Variants in EEA1 observed in about 807,000 individuals in gnomAD.
EEA1 encodes early endosome antigen 1.
Under a neutral mutation model 209.2 loss-of-function variants are expected in EEA1, and 111 were observed. The ratio of observed to expected loss-of-function variants is 0.53; its 90% CI spans 0.45 to 0.62. The LOEUF (loss-of-function observed/expected upper bound fraction) is 0.62, where lower values mean the gene tolerates loss of function less well. Ranked by LOEUF, EEA1 falls within the 20% of genes least tolerant of loss-of-function variation. The pLI, the probability that EEA1 is intolerant of heterozygous loss-of-function variation, is 0.00. For synonymous variants in EEA1, 536 were observed against 540.6 expected (o/e 0.99, Z 0.12); for missense variants, 1,343 against 1,530.8 (o/e 0.88, Z 2.05).
intron 3 of EEA1, chr12:92,858,154 G>A (rs1439067298): frequency 3.3e-6 from 2 of 614,926 alleles, no homozygotes; most frequent in Non-Finnish European, 6.1e-6. Context: ...CAGAGTTGGT[G>A]GGGGAAGGCC....
intron 1 of EEA1, among the ~76,000 whole-genome samples, chr12:92,892,073 G>T (rs1160749271): frequency 6.6e-6 from 1 of 152,116 alleles, no homozygotes; most frequent in African/African-American, 2.4e-5. Context: ...GAAGTGACTT[G>T]TTCACCATTG....
chr12:92,921,739 T>A (rs1592780516), intron 1 of EEA1, among the ~76,000 whole-genome samples: 1 of 104,622 alleles, frequency 9.6e-6, no homozygotes, highest in South Asian at 3.0e-4. Context: ...CCCTAAAACT[T>A]AAAGTATAAT....
chr12:92,826,075 T>C (rs1158515250), intron 13 of EEA1, 91 bp downstream of exon 13: 3 of 1,328,062 alleles, frequency 2.3e-6, no homozygotes, highest in Non-Finnish European at 3.0e-6. Flanking sequence ...AGGATAATGA[T>C]TTGGATTAAT....
chr12:92,923,055 TAAA>T (rs1430698155), intron 1 of EEA1, among the ~76,000 whole-genome samples: 1 of 150,894 alleles, frequency 6.6e-6, no homozygotes, highest in Non-Finnish European at 1.5e-5. Context: ...TTGATAACTT[TAAA>T]ATTCTCTGGC....
chr12:92,858,801 T>C (rs532910836), intron 3 of EEA1: 1 of 786,660 alleles, frequency 1.3e-6, no homozygotes, highest in Non-Finnish European at 2.3e-6. Context: ...TTGATGAGGA[T>C]ACAATCTACC....
chr12:92,784,210 G>A (rs749917560), intron 22 of EEA1, among the ~76,000 whole-genome samples: 14 of 152,050 alleles, frequency 9.2e-5, no homozygotes, highest in Non-Finnish European at 1.8e-4. Context: ...TGAGTACATC[G>A]CCCAAAAAGC....
chr12:92,777,790 T>C, intron 26 of EEA1, 127 bp from the exon 27 acceptor site: 1 of 1,259,798 alleles, frequency 7.9e-7, no homozygotes, highest in Non-Finnish European at 1.1e-6. Flanking sequence ...TATCTGATTG[T>C]TTTACAGGTT....
intron 15 of EEA1, among the ~76,000 whole-genome samples, chr12:92,813,654 T>C (rs2136676687): frequency 6.6e-6 from 1 of 152,308 alleles, no homozygotes; most frequent in East Asian, 1.9e-4. Context: ...AAAAGATCTA[T>C]CTTGTTATCA....
At chr12:92,839,796 G>T (rs971446241) in intron 10 of EEA1, among the ~76,000 whole-genome samples, 1 of 152,182 alleles carries the variant, frequency 6.6e-6, no homozygotes, top group Non-Finnish European at 1.5e-5. Context: ...ATCATTTTGA[G>T]AATGTAAAAA....
intron 5 of EEA1, among the ~76,000 whole-genome samples, chr12:92,854,725 C>T (rs924707835): frequency 6.6e-6 from 1 of 152,186 alleles, no homozygotes; most frequent in Admixed American, 6.5e-5. Context: ...CCTCTAGCAG[C>T]AGGAGATCCC....
chr12:92,777,778 ACTAT>A, intron 26 of EEA1, 115 bp from the exon 27 acceptor site: 1 of 1,283,938 alleles, frequency 7.8e-7, no homozygotes, highest in East Asian at 2.5e-5. Flanking sequence ...ATTAATTTTG[ACTAT>A]CTGATTGTTT....
intron 2 of EEA1, among the ~76,000 whole-genome samples, chr12:92,872,122 C>T (rs1008100527): frequency 6.7e-6 from 1 of 149,250 alleles, no homozygotes; most frequent in African/African-American, 2.5e-5. Flanking sequence ...GATCTTGGCT[C>T]ACTGCAACCT....
intron 22 of EEA1, among the ~76,000 whole-genome samples, chr12:92,785,856 T>A (rs939036935): frequency 5.9e-5 from 9 of 152,152 alleles, no homozygotes; most frequent in African/African-American, 2.2e-4. Flanking sequence ...AGCTTTCTCT[T>A]TTTGCCCATA....
At chr12:92,821,016 C>T (rs1249877350) in intron 13 of EEA1, 2 of 152,078 alleles carry the variant, frequency 1.3e-5, no homozygotes, top group Non-Finnish European at 2.9e-5. Flanking sequence ...TTATTCTACT[C>T]TCTACTTTTT....
At chr12:92,926,839 T>C (rs1028447157) in intron 1 of EEA1, among the ~76,000 whole-genome samples, 1 of 152,168 alleles carries the variant, frequency 6.6e-6, no homozygotes, top group African/African-American at 2.4e-5. Context: ...CTTTTCCTAA[T>C]TGCCCTCACC....
intron 11 of EEA1, 102 bp downstream of exon 11, chr12:92,832,410 A>G: frequency 8.9e-7 from 1 of 1,122,002 alleles, no homozygotes. Context: ...TTAAAATGAC[A>G]ATATTTTTTC....
chr12:92,777,889 T>A lies in EEA1; in HGVS notation c.3893+52A>T, dbSNP rs111600874. ...TTTTAAAAACTATGGAATATGACAA[T>A]CTTTTTATCACTTACAATGGAAATA... On this transcript the variant is annotated intron_variant, in intron 26 of 28. Transcript: ENST00000322349. 2.6e-5 allele frequency: 39 copies of A among 1,529,072 alleles called. No individual in the cohort carries two copies. In the African/African-American group the frequency reaches 3.4e-4, roughly 14 times the overall value. 94.7% of individuals were successfully genotyped at this position (1,529,072 alleles called of 1,614,324 possible). A position where few individuals can be genotyped will look rare whatever the true frequency, so the allele number is the denominator to read the frequency against.
intron 22 of EEA1, among the ~76,000 whole-genome samples, chr12:92,783,047 T>C (rs76493401): frequency 0.066 from 9,988 of 152,270 alleles, 339 homozygotes; most frequent in Middle Eastern, 0.11. Flanking sequence ...TTATAATAAA[T>C]CAGTAAATGT....
chr12:92,892,264 G>A (rs933257137), intron 1 of EEA1, among the ~76,000 whole-genome samples: 1 of 151,902 alleles, frequency 6.6e-6, no homozygotes, highest in Non-Finnish European at 1.5e-5. Context: ...CTAATTTGTT[G>A]TATTTTTGGT....
Sources: allele counts gnomAD v4.1 joint callset (sites outside exome capture counted in the v4.1 genomes callset), GRCh38; gene constraint gnomAD v4.1.1; transcripts MANE v1.5; gene names NCBI Gene and HGNC (gene_info 2026-07-23, HGNC 2026-07-21).